The following RASGRF1 variants were observed in gnomAD, a reference collection of about 807,000 sequenced individuals.
RASGRF1 encodes ras-specific guanine nucleotide-releasing factor 1.
Under a neutral mutation model 138.7 loss-of-function variants are expected in RASGRF1, and 40 were observed. The ratio of observed to expected loss-of-function variants is 0.29; its 90% CI spans 0.22 to 0.38. The LOEUF (loss-of-function observed/expected upper bound fraction) is 0.38, where lower values mean the gene tolerates loss of function less well. Among genes scored for constraint, RASGRF1 ranks in the 10% least tolerant of loss-of-function variants. The pLI is 1.00. For synonymous variants in RASGRF1, 614 were observed against 663.2 expected (o/e 0.93, Z 1.14); for missense variants, 1,108 against 1,650.4 (o/e 0.67, Z 5.69).
chr15:79,025,176 G>A, intron 10 of RASGRF1, 138 bp downstream of exon 10: 4 of 970,532 alleles, frequency 4.1e-6, no homozygotes, highest in Non-Finnish European at 5.7e-6. Context: ...TATGGGTTGT[G>A]TGTATATCTG....
intron 13 of RASGRF1, chr15:79,012,577 T>G (rs2141753184): frequency 6.2e-7 from 1 of 1,611,828 alleles, no homozygotes. Context: ...GTCCTTGAAG[T>G]TGTAAGTTTA....
At chr15:79,070,659 T>C (rs2057743278) in intron 1 of RASGRF1, among the ~76,000 whole-genome samples, 1 of 152,216 alleles carries the variant, frequency 6.6e-6, no homozygotes, top group African/African-American at 2.4e-5. Context: ...AAGAGTCCCT[T>C]CCTTGCATGA....
In RASGRF1 at chr15:79,008,918, T is replaced by C. The variant is rs115406595; in HGVS notation, c.1827-2484A>G. Among the ~76,000 whole-genome samples the C allele has an allele frequency of 5.8e-3, 886 of 152,314 alleles. 13 individuals carry two copies. Among genetic ancestry groups the C allele is most frequent in the African/African-American group, 0.02 (849 of 41,558 alleles). The stretch of plus-strand genomic sequence containing the variant: ...AGAGCACATGGCCTCCCAGGTCTCT[T>C]GCCTGAGTCTCTATTCTCCCTACAA... On this transcript the variant is annotated intron_variant, in intron 13 of 26. Coordinates refer to ENST00000558480, the MANE Select transcript of RASGRF1 (RefSeq NM_001145648.3).
chr15:78,997,295 G>A (rs1055736027), intron 19 of RASGRF1, among the ~76,000 whole-genome samples: 2 of 152,162 alleles, frequency 1.3e-5, no homozygotes, highest in Non-Finnish European at 2.9e-5. Context: ...CTGTTTAATA[G>A]ATCTCTGCAG....
chr15:79,035,240 C>A (rs373724299), intron 5 of RASGRF1, 30 bp from the exon 6 acceptor site: 2 of 1,568,970 alleles, frequency 1.3e-6, no homozygotes, highest in Non-Finnish European at 1.7e-6. Flanking sequence ...GTCAGCTCTG[C>A]CCCAGGGACT....
At chr15:79,070,913 T>G (rs932877173) in intron 1 of RASGRF1, among the ~76,000 whole-genome samples, 1 of 152,164 alleles carries the variant, frequency 6.6e-6, no homozygotes, top group Non-Finnish European at 1.5e-5. Context: ...ACAAAGTTGT[T>G]GAGGATCTGA....
At chr15:79,001,603 A>G in intron 16 of RASGRF1, 59 bp downstream of exon 16, 3 of 1,575,678 alleles carry the variant, frequency 1.9e-6, no homozygotes, top group Non-Finnish European at 2.6e-6. Flanking sequence ...ACTCGACTTG[A>G]CCTACTGCCC....
intron 8 of RASGRF1, among the ~76,000 whole-genome samples, chr15:79,028,487 A>G (rs889270481): frequency 9.2e-5 from 14 of 152,054 alleles, no homozygotes; most frequent in African/African-American, 3.4e-4. Flanking sequence ...CTGGGAGGGA[A>G]TATAGACAAC....
In RASGRF1 at chr15:79,006,896, C is replaced by G. The variant is rs1161644255; in HGVS notation, c.1827-462G>C. 6.6e-6 allele frequency among the ~76,000 whole-genome samples: 1 copy of G among 152,078 alleles called. No individual in the cohort carries two copies. Among genetic ancestry groups the G allele is most frequent in the Non-Finnish European group, 1.5e-5 (1 of 68,020 alleles). Reference sequence around the variant, plus strand: ...GTGTGGTGGCCCATACCTGTAATACCAGTTACTAGGGAGGCTGAGGCACAA... The same window carrying G: ...GTGTGGTGGCCCATACCTGTAATACGAGTTACTAGGGAGGCTGAGGCACAA... On this transcript the variant is annotated intron_variant, in intron 13 of 26. Coordinates refer to ENST00000558480, the MANE Select transcript of RASGRF1 (RefSeq NM_001145648.3). The surrounding 1 kb of genome is among the most constrained non-coding windows in gnomAD (Gnocchi z 4.0).
chr15:79,080,499 T>C (rs1566971514), intron 1 of RASGRF1, among the ~76,000 whole-genome samples: 1 of 152,224 alleles, frequency 6.6e-6, no homozygotes, highest in African/African-American at 2.4e-5. Context: ...CTAAACAAAG[T>C]TGATTATATT....
At chr15:79,087,354 C>T (rs1209297737) in intron 1 of RASGRF1, among the ~76,000 whole-genome samples, 3 of 152,334 alleles carry the variant, frequency 2.0e-5, no homozygotes, top group East Asian at 1.9e-4. Context: ...CTACTATGTG[C>T]ACGGTCCCTG....
chr15:79,087,747 G>A (rs868399027), intron 1 of RASGRF1, among the ~76,000 whole-genome samples: 2 of 152,258 alleles, frequency 1.3e-5, no homozygotes, highest in East Asian at 1.9e-4. Context: ...AAGAAACAGC[G>A]ATGAATTTTT....
intron 14 of RASGRF1, chr15:79,005,299 G>T (rs2056645887): frequency 1.0e-6 from 1 of 985,684 alleles, no homozygotes; most frequent in Non-Finnish European, 1.2e-6. Flanking sequence ...TGAGGTTCCT[G>T]GGGAGCCCTG....
chr15:79,067,626 A>C (rs1016954709), intron 1 of RASGRF1, among the ~76,000 whole-genome samples: 1 of 152,216 alleles, frequency 6.6e-6, no homozygotes, highest in Non-Finnish European at 1.5e-5. Context: ...TGTTTTATGC[A>C]ACCACATTGC....
In RASGRF1 at chr15:78,985,002, C is replaced by G. The variant is rs746840492; in HGVS notation, c.3414+5G>C. 1.2e-6 allele frequency: 2 copies of G among 1,613,514 alleles called. No homozygotes were observed. The highest frequency in any genetic ancestry group is 1.7e-6 in the Non-Finnish European group (2 of 1,179,450). ...GAGGCAGTGGTGCCAGCCTCCTGCC[C>G]GCACCTGCTTAGAGACTTTGAGCCA... On this transcript the variant is annotated splice_donor_5th_base_variant and intron_variant, in intron 23 of 26. Transcript: ENST00000558480.
intron 13 of RASGRF1, among the ~76,000 whole-genome samples, chr15:79,010,698 A>T (rs2056777700): frequency 6.6e-6 from 1 of 152,242 alleles, no homozygotes; most frequent in African/African-American, 2.4e-5. Flanking sequence ...CCTGAAGGGT[A>T]AAGGACTTTC....
chr15:78,967,312 G>A (rs1311344507), intron 26 of RASGRF1, among the ~76,000 whole-genome samples: 1 of 152,058 alleles, frequency 6.6e-6, no homozygotes, highest in African/African-American at 2.4e-5. Context: ...TTGGGAGGCC[G>A]AGGCAGGCAG....
At chr15:78,975,568 G>A (rs1301496983) in intron 24 of RASGRF1, among the ~76,000 whole-genome samples, 1 of 149,978 alleles carries the variant, frequency 6.7e-6, no homozygotes, top group Non-Finnish European at 1.5e-5. Flanking sequence ...CTGGAGTGCA[G>A]TGGCACAATC....
rs182554481 is a variant in RASGRF1 at position 79,017,741 on chromosome 15, C to T, written c.1743+29G>A. ...CCTGGTTAGGCATGAAGGGACCACT[C>T]GCTTTCAGGAACAGGTGACGCTACT... On this transcript the variant is annotated intron_variant, in intron 12 of 26. Transcript: ENST00000558480. 451 of 1,583,972 alleles carry T rather than the reference C, an allele frequency of 2.8e-4. 1 individual carries two copies. The African/African-American group carries it at 4.8e-3, about 17-fold the overall frequency.
Sources: allele counts gnomAD v4.1 joint callset (sites outside exome capture counted in the v4.1 genomes callset), GRCh38; gene constraint gnomAD v4.1.1; non-coding constraint Gnocchi (gnomAD v3.1); transcripts MANE v1.5; gene names NCBI Gene and HGNC (gene_info 2026-07-23, HGNC 2026-07-21).